The following SLIT2 variants were observed in gnomAD, a reference collection of about 807,000 sequenced individuals.
SLIT2 encodes the protein slit homolog 2 protein.
Under a neutral mutation model 185.7 loss-of-function variants are expected in SLIT2, and 41 were observed. The ratio of observed to expected loss-of-function variants is 0.22; its 90% CI spans 0.17 to 0.29. The LOEUF (loss-of-function observed/expected upper bound fraction) is 0.29, where lower values mean the gene tolerates loss of function less well. Ranked by LOEUF, SLIT2 falls within the 10% of genes least tolerant of loss-of-function variation. SLIT2 has a pLI of 1.00. For synonymous variants in SLIT2, 693 were observed against 680.2 expected (o/e 1.02, Z -0.29); for missense variants, 1,571 against 1,909.0 (o/e 0.82, Z 3.30).
intron 4 of SLIT2, among the ~76,000 whole-genome samples, chr4:20,369,260 C>T (rs1259491506): frequency 6.6e-6 from 1 of 151,974 alleles, no homozygotes; most frequent in African/African-American, 2.4e-5. Context: ...TGCCTGGTAT[C>T]TTGTGTTCTT....
At chr4:20,265,911 AT>A (rs1393641489) in intron 3 of SLIT2, among the ~76,000 whole-genome samples, 1 of 151,888 alleles carries the variant, frequency 6.6e-6, no homozygotes, top group African/African-American at 2.4e-5. Flanking sequence ...CAGAGGAGTG[AT>A]TCAGAGGGTA....
chr4:20,486,054 C>T, intron 6 of SLIT2, 146 bp from the exon 7 acceptor site: 1 of 619,192 alleles, frequency 1.6e-6, no homozygotes, highest in Non-Finnish European at 2.9e-6. Context: ...ATCAACTTGT[C>T]TATAGAGTAG....
chr4:20,543,753 C>T (rs1723018126), intron 21 of SLIT2, among the ~76,000 whole-genome samples: 1 of 152,174 alleles, frequency 6.6e-6, no homozygotes, highest in Non-Finnish European at 1.5e-5. Flanking sequence ...AAGGCACAAA[C>T]TTAGCACATG....
chr4:20,562,960 G>C (rs1560197723), intron 26 of SLIT2, among the ~76,000 whole-genome samples: 1 of 151,636 alleles, frequency 6.6e-6, no homozygotes, highest in Non-Finnish European at 1.5e-5. Context: ...GGAGCTTTTG[G>C]TAATAAATCA....
chr4:20,347,666 C>T (rs779635942), intron 4 of SLIT2, among the ~76,000 whole-genome samples: 3 of 152,180 alleles, frequency 2.0e-5, no homozygotes, highest in African/African-American at 7.2e-5. Context: ...AAAGCCCATG[C>T]TATTTACTAT....
In SLIT2 at chr4:20,549,116, C is replaced by T. The variant is rs1449559841; in HGVS notation, c.2477C>T (p.Ser826Phe). The change falls in exon 24 of 37, where the codon TCT becomes TTT. Residue 826 changes from serine (S) to phenylalanine (F), a missense_variant. Coordinates refer to ENST00000504154, the MANE Select transcript of SLIT2 (RefSeq NM_004787.4). Reference sequence around the variant, plus strand: ...CCTCGCACCTTTGATGGATTAAAGTCTCTTCGATTACTGTAAGCATCTTGT... The same window carrying T: ...CCTCGCACCTTTGATGGATTAAAGTTTCTTCGATTACTGTAAGCATCTTGT... ...IPPRTFDGLK[S>F]LRLLSLHGND... 2 of 1,582,716 alleles carry T rather than the reference C, an allele frequency of 1.3e-6. No individual in the cohort carries two copies. Among genetic ancestry groups the T allele is most frequent in the Non-Finnish European group, 1.7e-6 (2 of 1,152,324 alleles).
At chr4:20,503,109 G>T (rs542825893) in intron 9 of SLIT2, among the ~76,000 whole-genome samples, 1 of 152,264 alleles carries the variant, frequency 6.6e-6, no homozygotes, top group South Asian at 2.1e-4. Context: ...CTCATAATTG[G>T]TAAAAGTGTC....
At chr4:20,490,630 C>A (rs189075468) in intron 8 of SLIT2, among the ~76,000 whole-genome samples, 104 of 152,096 alleles carry the variant, frequency 6.8e-4, no homozygotes, top group Non-Finnish European at 1.2e-3. Flanking sequence ...ATATTTTAGA[C>A]CCTTGTTTGT....
At chr4:20,313,564 C>T (rs778124729) in intron 4 of SLIT2, among the ~76,000 whole-genome samples, 1 of 152,102 alleles carries the variant, frequency 6.6e-6, no homozygotes, top group Non-Finnish European at 1.5e-5. Context: ...TTACTTTCTG[C>T]CTTCTTTTTT....
At chr4:20,272,898 T>A (rs1266966436) in intron 4 of SLIT2, among the ~76,000 whole-genome samples, 1 of 152,140 alleles carries the variant, frequency 6.6e-6, no homozygotes, top group African/African-American at 2.4e-5. Context: ...CTAAATTATC[T>A]AACATTAGGA....
At chr4:20,555,059 A>G (rs540885446) in intron 26 of SLIT2, among the ~76,000 whole-genome samples, 6 of 152,124 alleles carry the variant, frequency 3.9e-5, no homozygotes, top group East Asian at 3.9e-4. Flanking sequence ...GTGAGCCACC[A>G]CGCCTGGCCA....
chr4:20,327,766 C>G (rs1335316510), intron 4 of SLIT2, among the ~76,000 whole-genome samples: 1 of 151,996 alleles, frequency 6.6e-6, no homozygotes, highest in Non-Finnish European at 1.5e-5. Flanking sequence ...GCACTTGCCA[C>G]CACTGCCCAT....
At chr4:20,415,663 G>T (rs543097754) in intron 4 of SLIT2, among the ~76,000 whole-genome samples, 3 of 152,078 alleles carry the variant, frequency 2.0e-5, no homozygotes, top group Non-Finnish European at 4.4e-5. Context: ...AAAGTTCCAG[G>T]TTGCTTTACT....
chr4:20,617,408 A>C (rs546185704), intron 35 of SLIT2, 31 bp from the exon 36 acceptor site: 1 of 1,590,506 alleles, frequency 6.3e-7, no homozygotes, highest in Non-Finnish European at 8.6e-7. Context: ...TTCTGAATGC[A>C]TTCCCACTCC....
At chr4:20,283,831 T>C (rs1715019175) in intron 4 of SLIT2, among the ~76,000 whole-genome samples, 1 of 152,204 alleles carries the variant, frequency 6.6e-6, no homozygotes, top group Admixed American at 6.5e-5. Flanking sequence ...GCTTTTACTG[T>C]GCCTAAAGAT....
intron 4 of SLIT2, among the ~76,000 whole-genome samples, chr4:20,368,218 G>GAAAAAAAAAAAA (rs1491456037): frequency 3.9e-5 from 1 of 25,920 alleles, no homozygotes; most frequent in Non-Finnish European, 8.5e-5. Context: ...TCACAAAATA[G>GAAAAAAAAAAAA]CAAAAAAAAA....
intron 5 of SLIT2, among the ~76,000 whole-genome samples, chr4:20,472,365 G>GATAT (rs1715315165): frequency 3.6e-5 from 1 of 27,716 alleles, no homozygotes; most frequent in African/African-American, 1.7e-4. Context: ...TATCTATATA[G>GATAT]ATATCTATAT....
chr4:20,523,922 G>T lies in SLIT2; in HGVS notation c.1274+19G>T, dbSNP rs758588653. ...AAACTATGTATGTATAAGTGATTTGGATCACTTTTGATGACATTGTTTCCT... is the reference window on the plus strand; with the variant it reads ...AAACTATGTATGTATAAGTGATTTGTATCACTTTTGATGACATTGTTTCCT... On this transcript the variant is annotated intron_variant, in intron 13 of 36. Coordinates refer to ENST00000504154, the MANE Select transcript of SLIT2 (RefSeq NM_004787.4). 6.2e-7 allele frequency: 1 copy of T among 1,612,792 alleles called. No homozygotes were observed. Among genetic ancestry groups the T allele is most frequent in the Non-Finnish European group, 8.5e-7 (1 of 1,178,918 alleles).
intron 4 of SLIT2, among the ~76,000 whole-genome samples, chr4:20,294,212 G>C (rs1383447624): frequency 6.6e-6 from 1 of 152,006 alleles, no homozygotes; most frequent in Non-Finnish European, 1.5e-5. Context: ...GCTGGGCATG[G>C]TGGCATGTGC....
Sources: gnomAD v4.1 joint callset for allele counts (sites outside exome capture counted in the v4.1 genomes callset) on GRCh38, gnomAD v4.1.1 for gene constraint, MANE v1.5 for transcripts, NCBI Gene and HGNC (gene_info 2026-07-23, HGNC 2026-07-21) for gene names.